Variants in NEB observed in about 807,000 individuals in gnomAD.
The protein encoded by NEB is nemaline myopathy type 2.
NEB carries 512 observed loss-of-function variants against 952.2 expected under a neutral mutation model. The ratio of observed to expected loss-of-function variants is 0.54; its 90% CI spans 0.50 to 0.58. The LOEUF is 0.58. Among genes scored for constraint, NEB ranks in the 20% least tolerant of loss-of-function variants. NEB has a pLI of 0.00. For synonymous variants in NEB, 2,900 were observed against 3,149.8 expected (o/e 0.92, Z 2.66); for missense variants, 8,428 against 9,231.1 (o/e 0.91, Z 3.56).
rs145168437 is a variant in NEB, at chr2:151,630,122, G to T, written c.9724-476C>A. Among the ~76,000 whole-genome samples the T allele has an allele frequency of 3.5e-3, 533 of 152,046 alleles. 2 individuals are homozygous for T. The highest frequency in any genetic ancestry group is 0.029 in the South Asian group (140 of 4,816). On this transcript the variant is annotated intron_variant, in intron 67 of 181. Transcript: ENST00000397345. ...TTTATAATGTTTAAAAGACAAATAA[G>T]AAAAATTAAAATATAACAAAATATA...
In NEB at chr2:151,568,645, C is replaced by T. The variant is rs761813976; in HGVS notation, c.17607G>A (p.Ala5869=). ...PVDDRVDYVT[A]KQSGEILDDI... ...CATCGAGGATCTCGCCACTTTGTTT[C>T]GCTGTCACATAATCAACTCTGTCAT... The change falls in exon 111 of 182, where the codon GCG becomes GCA. Residue 5869 remains alanine (A), a synonymous_variant. Coordinates refer to ENST00000397345, the MANE Select transcript of NEB (RefSeq NM_001164508.2). 15 of 1,609,406 alleles carry T rather than the reference C, an allele frequency of 9.3e-6. No individual in the cohort carries two copies. Among genetic ancestry groups the T allele is most frequent in the East Asian group, 2.2e-5 (1 of 44,756 alleles).
chr2:151,622,670 A>T (rs1019010503), intron 71 of NEB, among the ~76,000 whole-genome samples: 2 of 152,138 alleles, frequency 1.3e-5, no homozygotes, highest in African/African-American at 4.8e-5. Context: ...TGAATACTTT[A>T]CCATGTATCT....
Position 151,570,345 on chromosome 2 carries a change from G to T in NEB, c.17166C>A (p.Gly5722=). 6.2e-7 allele frequency: 1 copy of T among 1,600,042 alleles called. No individual in the cohort carries two copies. The highest frequency in any genetic ancestry group is 8.5e-7 in the Non-Finnish European group (1 of 1,171,562). ...DHEKQKGHYV[G]TLTARDDNKI... ...TGTTGTCATCCCTGGCTGTGAGGGTGCCCACGTAGTGTCCCTTCTGCTTCT... is the reference window on the plus strand; with the variant it reads ...TGTTGTCATCCCTGGCTGTGAGGGTTCCCACGTAGTGTCCCTTCTGCTTCT... The change falls in exon 109 of 182, where the codon GGC becomes GGA. Residue 5722 remains glycine (G), a synonymous_variant. Transcript: ENST00000397345.
chr2:151,490,196 A>G, intron 180 of NEB, 119 bp from the exon 181 acceptor site: 1 of 1,171,710 alleles, frequency 8.5e-7, no homozygotes, highest in South Asian at 1.6e-5. Context: ...CAAAAAGAGA[A>G]ATCAAAGAAA....
At chr2:151,677,181 G>A (rs1026966522) in intron 34 of NEB, among the ~76,000 whole-genome samples, 8 of 152,110 alleles carry the variant, frequency 5.3e-5, no homozygotes, top group African/African-American at 1.9e-4. Context: ...GAAAATATGA[G>A]AAACTTAACA....
chr2:151,643,460 T>A, intron 57 of NEB, 107 bp from the exon 58 acceptor site: 4 of 949,542 alleles, frequency 4.2e-6, no homozygotes, highest in Non-Finnish European at 6.0e-6. Flanking sequence ...CATATTATAC[T>A]CTATATTTTT....
intron 70 of NEB, 118 bp from the exon 71 acceptor site, chr2:151,625,756 G>A (rs1440803774): frequency 1.8e-6 from 1 of 544,942 alleles, no homozygotes; most frequent in Non-Finnish European, 3.1e-6. Flanking sequence ...TTCCATGTAT[G>A]TTAATATTCT....
At chr2:151,616,718 A>G (rs1277631385) in intron 75 of NEB, among the ~76,000 whole-genome samples, 1 of 152,194 alleles carries the variant, frequency 6.6e-6, no homozygotes, top group East Asian at 1.9e-4. Flanking sequence ...AAAACAAAAC[A>G]GTATTTATTA....
At chr2:151,536,279 G>A (rs1215706949) in intron 141 of NEB, among the ~76,000 whole-genome samples, 1 of 152,278 alleles carries the variant, frequency 6.6e-6, no homozygotes, top group Middle Eastern at 3.4e-3. Flanking sequence ...TAGATGTCTT[G>A]AAAACTAGCC....
In NEB at chr2:151,655,322, G is replaced by A. The variant is rs1381976993; in HGVS notation, c.6755C>T (p.Pro2252Leu). 7 of 1,602,066 alleles carry A rather than the reference G, an allele frequency of 4.4e-6. No homozygotes were observed. Among genetic ancestry groups the A allele is most frequent in the African/African-American group, 1.3e-5 (1 of 74,558 alleles). The change falls in exon 51 of 182, where the codon CCT becomes CTT. Residue 2252 changes from proline (P) to leucine (L), a missense_variant. This residue lies in a region of NEB where 2,851 missense variants were observed against 2,791.5 expected (regional missense o/e 1.02). Transcript: ENST00000397345. ...NKDKTKIHVM[P>L]DTPDILQAKQ... is the part of the protein sequence containing the mutation. ...GGCTTGTAAAATATCTGGTGTATCA[G>A]GCATCACATGAATCTTGGTCTTATC...
chr2:151,639,482 G>T, intron 62 of NEB, 98 bp from the exon 63 acceptor site: 2 of 908,472 alleles, frequency 2.2e-6, no homozygotes, highest in East Asian at 2.7e-5. Flanking sequence ...AAAAGAAAAG[G>T]TTATGTGTTT....
intron 166 of NEB, 31 bp from the exon 167 acceptor site, chr2:151,502,916 A>G (rs1247455702): frequency 7.4e-7 from 1 of 1,343,256 alleles, no homozygotes; most frequent in Non-Finnish European, 1.1e-6. Context: ...CCCAGAGGAC[A>G]TTTAAAACAG....
In NEB at chr2:151,526,142, G is replaced by A; in HGVS notation, c.22050+16C>T. ...TCCCAAGAGGGAAGCAGAACTCATG[G>A]GCGGCTGGGGGTTACCTCAGACACC... On this transcript the variant is annotated intron_variant, in intron 149 of 181. Transcript: ENST00000397345. The A allele has an allele frequency of 6.2e-7, 1 of 1,613,396 alleles. No individual in the cohort carries two copies. The highest frequency in any genetic ancestry group is 2.2e-5 in the East Asian group (1 of 44,876).
In NEB at chr2:151,677,743, C is replaced by T; in HGVS notation, c.3596G>A (p.Trp1199Ter). Reference protein sequence around the residue: ...DNVYKEDYNNWMKGIGWIPIG... With the variant: ...DNVYKEDYNN ...AGGAATCCAGCCAATGCCTTTCATCCAGTTGTTGTAGTCTTCCTTGTAGAC... is the reference window on the plus strand; with the variant it reads ...AGGAATCCAGCCAATGCCTTTCATCTAGTTGTTGTAGTCTTCCTTGTAGAC... Residue 1199 changes from tryptophan (W) to a stop codon, truncating the protein, a stop_gained, in exon 34 of 182, where the codon TGG becomes TAG. Transcript: ENST00000397345. LOFTEE classifies it high-confidence loss of function. The T allele has an allele frequency of 6.2e-7, 1 of 1,613,950 alleles. No homozygotes were observed. Among genetic ancestry groups the T allele is most frequent in the Non-Finnish European group, 8.5e-7 (1 of 1,179,876 alleles).
intron 47 of NEB, 109 bp from the exon 48 acceptor site, chr2:151,658,199 A>G: frequency 1.3e-6 from 1 of 742,090 alleles, no homozygotes; most frequent in East Asian, 2.7e-5. Context: ...TTTGAGCAGA[A>G]TGCTTCGTTG....
In NEB at chr2:151,524,378, T is replaced by C. The variant is rs1553641474; in HGVS notation, c.22412A>G (p.His7471Arg). 3 of 1,613,880 alleles carry C rather than the reference T, an allele frequency of 1.9e-6. No individual in the cohort carries two copies. Among genetic ancestry groups the C allele is most frequent in the Non-Finnish European group, 2.5e-6 (3 of 1,179,888 alleles). Residue 7471 changes from histidine to arginine, a missense_variant, in exon 153 of 182, where the codon CAT (histidine) becomes CGT (arginine). Physicochemically the swap from His to Arg is conservative, Grantham distance 29. Around this residue, in one of 11 missense-constraint regions of NEB, gnomAD observed 3,374 missense variants for 3,651.5 expected, o/e 0.92. Coordinates refer to ENST00000397345, the MANE Select transcript of NEB (RefSeq NM_001164508.2). Reference sequence around the variant, plus strand: ...TGGGCGACCGAGCATGCTTAAGCCATGGCTGCCTTCCTTGCGGTGCTTGGC... The same window carrying C: ...TGGGCGACCGAGCATGCTTAAGCCACGGCTGCCTTCCTTGCGGTGCTTGGC... ...YRAKHRKEGSHGLSMLGRPDI... is the reference protein window; with the variant it reads ...YRAKHRKEGSRGLSMLGRPDI...
At chr2:151,614,172 A>G (rs2098118117) in intron 77 of NEB, 104 bp downstream of exon 77, 1 of 1,292,158 alleles carries the variant, frequency 7.7e-7, no homozygotes. Context: ...ACATTATCCT[A>G]AAGAGGTGTC....
intron 63 of NEB, among the ~76,000 whole-genome samples, chr2:151,637,877 C>T (rs2098792268): frequency 6.6e-6 from 1 of 152,220 alleles, no homozygotes; most frequent in Non-Finnish European, 1.5e-5. Flanking sequence ...ATTACAGTCT[C>T]ACTTCCAAAA....
Position 151,490,494 on chromosome 2 carries a change from T to C in NEB, c.25175A>G (p.Glu8392Gly), listed in dbSNP as rs1036568297. The C allele has an allele frequency of 1.9e-6, 3 of 1,609,432 alleles. No individual in the cohort carries two copies. The highest frequency in any genetic ancestry group is 2.5e-6 in the Non-Finnish European group (3 of 1,177,962). The change falls in exon 180 of 182, where the codon GAG (glutamate) becomes GGG (glycine). Residue 8392 changes from glutamate to glycine, a missense_variant. Physicochemically the swap from Glu to Gly is moderately conservative, Grantham distance 98 (BLOSUM62 -2). Around this residue, in one of 11 missense-constraint regions of NEB, gnomAD observed 3,374 missense variants for 3,651.5 expected, o/e 0.92. Coordinates refer to ENST00000397345, the MANE Select transcript of NEB (RefSeq NM_001164508.2). ...INVQAQRRSR[E>G]QSRSASALSI... is the part of the protein sequence containing the mutation. ...TAGTGCACTGGCAGATCGTGACTGCTCCCGGCTCCGGCGCTGAGCTTGGAC... is the reference window on the plus strand; with the variant it reads ...TAGTGCACTGGCAGATCGTGACTGCCCCCGGCTCCGGCGCTGAGCTTGGAC...
Sources: allele counts gnomAD v4.1 joint callset (sites outside exome capture counted in the v4.1 genomes callset), GRCh38; gene constraint gnomAD v4.1.1; regional missense constraint gnomAD v4.1.1; transcripts MANE v1.5; gene names NCBI Gene and HGNC (gene_info 2026-07-23, HGNC 2026-07-21).